PDE7B: variants seen among roughly 807,000 people sequenced by gnomAD.
PDE7B encodes phosphodiesterase 7B.
A neutral mutation model predicts 56.2 loss-of-function variants in PDE7B; 29 were observed. The ratio of observed to expected loss-of-function variants is 0.52; its 90% CI spans 0.38 to 0.70. PDE7B has a LOEUF of 0.70. PDE7B is among the 30% of genes least tolerant of loss of function. The pLI, the probability that PDE7B is intolerant of heterozygous loss-of-function variation, is 0.00. For synonymous variants in PDE7B, 197 were observed against 196.9 expected (o/e 1.00, Z 0.00); for missense variants, 490 against 565.0 (o/e 0.87, Z 1.35).
chr6:136,072,164 A>G (rs1777059507), intron 2 of PDE7B, among the ~76,000 whole-genome samples: 1 of 152,212 alleles, frequency 6.6e-6, no homozygotes, highest in South Asian at 2.1e-4. Context: ...TGAATATATA[A>G]TGGCAAATAC....
At chr6:136,083,757 C>G (rs1164168282) in intron 2 of PDE7B, among the ~76,000 whole-genome samples, 3 of 152,130 alleles carry the variant, frequency 2.0e-5, no homozygotes, top group East Asian at 1.9e-4. Flanking sequence ...ATGATTGGCT[C>G]TCCTTCACTA....
intron 1 of PDE7B, among the ~76,000 whole-genome samples, chr6:135,908,353 A>G (rs910536893): frequency 2.0e-5 from 3 of 151,922 alleles, no homozygotes; most frequent in Non-Finnish European, 1.5e-5. Context: ...TTGGCCTCCT[A>G]AAGAGCTGGG....
At chr6:136,091,589 T>C (rs865827212) in intron 2 of PDE7B, among the ~76,000 whole-genome samples, 31 of 152,352 alleles carry the variant, frequency 2.0e-4, no homozygotes, top group African/African-American at 6.7e-4. Context: ...TCTCTGAACA[T>C]TGATTCTATG....
At position 136,173,859 on chromosome 6, in the gene PDE7B, G is replaced by C. The variant is rs1375399253; in HGVS notation, c.774G>C (p.Arg258Ser). ...RSTIGMLRES[R>S]LLAHLPKEMT... ...CAATTGGCATGCTTCGAGAATCAAGGCTTCTTGCTCATTTGCCAAAGGAAA... is the reference window on the plus strand; with the variant it reads ...CAATTGGCATGCTTCGAGAATCAAGCCTTCTTGCTCATTTGCCAAAGGAAA... The change falls in exon 9 of 13, where the codon AGG becomes AGC. Residue 258 changes from arginine to serine, a missense_variant. Arg to Ser is a moderately radical substitution (Grantham distance 110, BLOSUM62 -1). Transcript: ENST00000308191. The C allele has an allele frequency of 4.3e-6, 7 of 1,612,562 alleles. No individual in the cohort carries two copies. The highest frequency in any genetic ancestry group is 5.9e-6 in the Non-Finnish European group (7 of 1,178,738).
intron 3 of PDE7B, among the ~76,000 whole-genome samples, chr6:136,142,645 T>A (rs1166986193): frequency 1.3e-5 from 2 of 152,208 alleles, no homozygotes; most frequent in Admixed American, 1.3e-4. Context: ...CTGTATTGGG[T>A]GCATATATAT....
At chr6:135,924,252 T>G (rs910529585) in intron 1 of PDE7B, among the ~76,000 whole-genome samples, 7 of 152,332 alleles carry the variant, frequency 4.6e-5, no homozygotes, top group Admixed American at 1.3e-4. Flanking sequence ...CCTTATGACC[T>G]AAAAAATTGG....
At chr6:136,102,617 T>C (rs1162127003) in intron 2 of PDE7B, among the ~76,000 whole-genome samples, 1 of 152,212 alleles carries the variant, frequency 6.6e-6, no homozygotes, top group Non-Finnish European at 1.5e-5. Flanking sequence ...TTAAGGTCTT[T>C]TACAGCTTTT....
At chr6:135,872,796 TATATA>T (rs541592617) in intron 1 of PDE7B, among the ~76,000 whole-genome samples, 52 of 152,296 alleles carry the variant, frequency 3.4e-4, no homozygotes, top group South Asian at 2.7e-3. Flanking sequence ...GATAAGTTAA[TATATA>T]ATAAAATGCA....
chr6:136,044,420 T>G (rs889820539), intron 2 of PDE7B: 1 of 152,208 alleles, frequency 6.6e-6, no homozygotes, highest in Non-Finnish European at 1.5e-5. Context: ...ATCAGATGCA[T>G]GAATGAACAT....
At chr6:135,905,784 C>T (rs1236568153) in intron 1 of PDE7B, among the ~76,000 whole-genome samples, 1 of 152,160 alleles carries the variant, frequency 6.6e-6, no homozygotes, top group Non-Finnish European at 1.5e-5. Context: ...CAAAAGCCAG[C>T]ATGAATCCCA....
At chr6:136,068,017 A>T (rs763437051) in intron 2 of PDE7B, among the ~76,000 whole-genome samples, 37 of 152,272 alleles carry the variant, frequency 2.4e-4, no homozygotes, top group Admixed American at 4.6e-4. Context: ...TTTGTGATTC[A>T]TGTTTTAATC....
At chr6:135,945,591 C>CACACCAG (rs1195196536) in intron 1 of PDE7B, among the ~76,000 whole-genome samples, 3 of 152,124 alleles carry the variant, frequency 2.0e-5, no homozygotes, top group African/African-American at 7.2e-5. Context: ...ATGTCATAAT[C>CACACCAG]AGGTGTGAAG....
chr6:136,036,769 A>C (rs1776331269), intron 2 of PDE7B, among the ~76,000 whole-genome samples: 1 of 152,206 alleles, frequency 6.6e-6, no homozygotes, highest in African/African-American at 2.4e-5. Context: ...TGCCAAGCAA[A>C]ATAAAGCACT....
At chr6:135,916,066 G>C (rs1466983798) in intron 1 of PDE7B, among the ~76,000 whole-genome samples, 1 of 152,136 alleles carries the variant, frequency 6.6e-6, no homozygotes, top group African/African-American at 2.4e-5. Context: ...TGAATAAGTA[G>C]CTGGGGCAGA....
intron 2 of PDE7B, among the ~76,000 whole-genome samples, chr6:136,000,598 T>C (rs140394618): frequency 6.6e-6 from 1 of 152,318 alleles, no homozygotes; most frequent in African/African-American, 2.4e-5. Flanking sequence ...TTTTGTTCCA[T>C]GTATCTATGT....
At chr6:135,858,902 TATC>T (rs1421547279) in intron 1 of PDE7B, among the ~76,000 whole-genome samples, 6 of 152,194 alleles carry the variant, frequency 3.9e-5, no homozygotes, top group African/African-American at 1.4e-4. Context: ...GGAAATCACA[TATC>T]ATAGACTTTT....
At chr6:136,179,935 A>G (rs1404544150) in intron 10 of PDE7B, among the ~76,000 whole-genome samples, 3 of 152,240 alleles carry the variant, frequency 2.0e-5, no homozygotes, top group Admixed American at 6.5e-5. Flanking sequence ...GACAAATTAC[A>G]TCAGGGCAGA....
At chr6:136,002,898 A>G (rs888394472) in intron 2 of PDE7B, among the ~76,000 whole-genome samples, 6 of 152,058 alleles carry the variant, frequency 3.9e-5, no homozygotes, top group African/African-American at 1.4e-4. Context: ...CACAATATAC[A>G]TTTTTTTCAG....
At chr6:136,081,743 T>G (rs1346187160) in intron 2 of PDE7B, among the ~76,000 whole-genome samples, 1 of 152,250 alleles carries the variant, frequency 6.6e-6, no homozygotes, top group Non-Finnish European at 1.5e-5. Context: ...TAGTCAACAG[T>G]GTTTACTGGG....
Sources: allele counts gnomAD v4.1 joint callset (sites outside exome capture counted in the v4.1 genomes callset), GRCh38; gene constraint gnomAD v4.1.1; transcripts MANE v1.5; gene names NCBI Gene and HGNC (gene_info 2026-07-23, HGNC 2026-07-21).